PTK2: variants seen among roughly 807,000 people sequenced by gnomAD.
PTK2 encodes the protein protein tyrosine kinase 2.
A neutral mutation model predicts 150.1 loss-of-function variants in PTK2; 45 were observed. The ratio of observed to expected loss-of-function variants is 0.30; its 90% CI spans 0.24 to 0.38. The LOEUF (loss-of-function observed/expected upper bound fraction) is 0.38. PTK2 is among the 10% of genes least tolerant of loss of function. PTK2 has a pLI of 1.00. For synonymous variants in PTK2, 432 were observed against 449.2 expected, an observed-to-expected ratio of 0.96 and a Z score of 0.48; for missense variants, 919 against 1,307.3, an observed-to-expected ratio of 0.70 and a Z score of 4.58.
chr8:140,960,422 C>G (rs2100182743), intron 1 of PTK2, among the ~76,000 whole-genome samples: 1 of 151,996 alleles, frequency 6.6e-6, no homozygotes, highest in African/African-American at 2.4e-5. Context: ...GTTGGCCAGG[C>G]TGGTCTCAAA....
chr8:140,722,652 A>G (rs763503228), intron 22 of PTK2, among the ~76,000 whole-genome samples: 71 of 152,160 alleles, frequency 4.7e-4, no homozygotes, highest in Non-Finnish European at 9.1e-4. Context: ...GGAGCAAAGA[A>G]GGCCTAGCTG....
intron 4 of PTK2, among the ~76,000 whole-genome samples, chr8:140,865,132 G>A (rs1014969195): frequency 1.3e-5 from 2 of 152,166 alleles, no homozygotes; most frequent in Non-Finnish European, 2.9e-5. Context: ...ATAGTGCATG[G>A]TGATTTTAAT....
At chr8:140,790,834 T>C (rs1383375367) in intron 13 of PTK2, among the ~76,000 whole-genome samples, 2 of 152,220 alleles carry the variant, frequency 1.3e-5, no homozygotes, top group Admixed American at 1.3e-4. Flanking sequence ...TCACAACTTA[T>C]CTTTGAACTA....
chr8:140,829,504 C>T (rs531082726), intron 8 of PTK2, among the ~76,000 whole-genome samples: 3 of 152,232 alleles, frequency 2.0e-5, no homozygotes, highest in South Asian at 2.1e-4. Flanking sequence ...TTATTAATCT[C>T]GTGTTAGAAA....
At chr8:140,677,363 C>T (rs2100014538) in intron 27 of PTK2, among the ~76,000 whole-genome samples, 1 of 152,160 alleles carries the variant, frequency 6.6e-6, no homozygotes, top group African/African-American at 2.4e-5. Flanking sequence ...AGAAGCCAAA[C>T]CACAGCCCAG....
At chr8:140,961,198 C>T (rs2100183054) in intron 1 of PTK2, among the ~76,000 whole-genome samples, 1 of 152,188 alleles carries the variant, frequency 6.6e-6, no homozygotes, top group Non-Finnish European at 1.5e-5. Context: ...AATAACTACA[C>T]CACACTTTGC....
In PTK2 at chr8:140,753,478, G is replaced by T. The variant is rs145385714; in HGVS notation, c.1333-1162C>A. Reference sequence around the variant, plus strand: ...CTGAACTGGACATAGAAATCCAGAAGTAGCCTAGCCCATGTGACTGGACGA... The same window carrying T: ...CTGAACTGGACATAGAAATCCAGAATTAGCCTAGCCCATGTGACTGGACGA... On this transcript the variant is annotated intron_variant, in intron 16 of 31. Coordinates refer to ENST00000522684, the Ensembl canonical transcript of PTK2. Among the ~76,000 whole-genome samples the T allele has an allele frequency of 2.8e-3, 422 of 152,274 alleles. 2 individuals are homozygous for T. The highest frequency in any genetic ancestry group is 3.9e-3 in the Non-Finnish European group (268 of 68,028).
intron 25 of PTK2, among the ~76,000 whole-genome samples, chr8:140,701,728 TG>T (rs1300357809): frequency 6.6e-6 from 1 of 152,150 alleles, no homozygotes; most frequent in Non-Finnish European, 1.5e-5. Context: ...TTCAAATAAA[TG>T]GACTAAAGAT....
Position 140,769,125 on chromosome 8 carries a change from A to G in PTK2, c.1178-4835T>C, listed in dbSNP as rs573938785. ...GAAAAACCAATTATCATTATTGCTG[A>G]TATTTCCCTAATTCCGTTAGTTTCT... On this transcript the variant is annotated intron_variant, in intron 14 of 31. Coordinates refer to ENST00000522684, the Ensembl canonical transcript of PTK2. 3.3e-5 allele frequency among the ~76,000 whole-genome samples: 5 copies of G among 152,298 alleles called. No individual in the cohort carries two copies. The South Asian group carries it at 1.0e-3, about 32-fold the overall frequency.
At chr8:140,700,959 G>A (rs988016005) in exon 26 of PTK2, 8 of 1,613,874 alleles carry the variant, frequency 5.0e-6, no homozygotes, top group Admixed American at 1.7e-5. Flanking sequence ...CGGATTAGAC[G>A]CTCTTCCATC....
intron 31 of PTK2, chr8:140,662,655 T>C: frequency 1.8e-6 from 1 of 545,948 alleles, no homozygotes; most frequent in Non-Finnish European, 3.5e-6. Context: ...TACAAAGGAA[T>C]CACCAACAGG....
At chr8:140,939,811 T>C (rs1162971970) in intron 1 of PTK2, among the ~76,000 whole-genome samples, 4 of 152,240 alleles carry the variant, frequency 2.6e-5, no homozygotes, top group Admixed American at 2.6e-4. Flanking sequence ...TGGCATTAAC[T>C]ATTTATTAGT....
In PTK2 at chr8:140,834,892, C is replaced by T. The variant is rs1001732637; in HGVS notation, c.594-4366G>A. ...CTAAACCTCAGAATCCCATTTAACA[C>T]TCCACTGATTCCTGTTGCCATTTAG... is the stretch of plus-strand genomic sequence containing the variant. On this transcript the variant is annotated intron_variant, in intron 7 of 31. Coordinates refer to ENST00000522684, the Ensembl canonical transcript of PTK2. 2.0e-5 allele frequency among the ~76,000 whole-genome samples: 3 copies of T among 152,242 alleles called. No homozygotes were observed. The South Asian group carries it at 6.2e-4, about 32-fold the overall frequency.
Position 140,896,788 on chromosome 8 carries a change from C to CGGGGGGG in PTK2, c.-32-6026_-32-6020dup, listed in dbSNP as rs60747008. 2.5e-4 allele frequency among the ~76,000 whole-genome samples: 17 copies of CGGGGGGG among 67,306 alleles called. 1 individual carries two copies. The highest frequency in any genetic ancestry group is 4.8e-4 in the Admixed American group (3 of 6,190). The allele number at this position is 67,306 out of a possible 152,430, so 44.2% of individuals were successfully genotyped here. On this transcript the variant is annotated intron_variant, in intron 2 of 31. Coordinates refer to ENST00000522684, the Ensembl canonical transcript of PTK2. ...ACGCCCCCCCTTCCCCCCAAAAAAA[C>CGGGGGGG]GGGGGGGGGGGGTGGGTAAAACATA...
At chr8:140,800,691 T>C (rs893104574) in intron 11 of PTK2, 115 bp from the exon 12 acceptor site, 13 of 732,106 alleles carry the variant, frequency 1.8e-5, no homozygotes, top group Non-Finnish European at 2.8e-5. Flanking sequence ...AGAGTGGGAA[T>C]GAAACAAGAT....
intron 1 of PTK2, among the ~76,000 whole-genome samples, chr8:140,939,908 C>T (rs1354135872): frequency 6.6e-6 from 1 of 152,030 alleles, no homozygotes; most frequent in African/African-American, 2.4e-5. Context: ...AAAATCTAGG[C>T]GAAGTGCCAA....
At chr8:140,862,169 C>G (rs2100136572) in intron 5 of PTK2, among the ~76,000 whole-genome samples, 1 of 152,126 alleles carries the variant, frequency 6.6e-6, no homozygotes, top group Middle Eastern at 3.4e-3. Context: ...AAAGGAGTCA[C>G]TTAAGCCTGT....
intron 14 of PTK2, among the ~76,000 whole-genome samples, chr8:140,785,666 G>T (rs912398903): frequency 4.6e-5 from 7 of 152,078 alleles, no homozygotes; most frequent in African/African-American, 1.7e-4. Flanking sequence ...CAGTACAGGG[G>T]AGCAAACTCT....
At chr8:140,663,538 C>A (rs1362205012) in intron 31 of PTK2, among the ~76,000 whole-genome samples, 1 of 152,184 alleles carries the variant, frequency 6.6e-6, no homozygotes, top group Non-Finnish European at 1.5e-5. Flanking sequence ...AGAATGTACA[C>A]CCTAGGCTCA....
Sources: gnomAD v4.1 joint callset for allele counts (sites outside exome capture counted in the v4.1 genomes callset) on GRCh38, gnomAD v4.1.1 for gene constraint, MANE v1.5 for transcripts, NCBI Gene and HGNC (gene_info 2026-07-23, HGNC 2026-07-21) for gene names.